Variants in CCDC69 observed in about 807,000 individuals in gnomAD.
CCDC69 encodes the protein coiled-coil domain containing 69.
CCDC69 carries 38 observed loss-of-function variants against 40.3 expected under a neutral mutation model. The observed-to-expected ratio is 0.94, with a 90% CI of 0.73 to 1.24. The LOEUF (loss-of-function observed/expected upper bound fraction) is 1.24. CCDC69 is among the 50% of genes most tolerant of loss of function. CCDC69 has a pLI of 0.00. For synonymous variants in CCDC69, 141 were observed against 138.9 expected, an observed-to-expected ratio of 1.02 and a Z score of -0.11; for missense variants, 389 against 357.9, an observed-to-expected ratio of 1.09 and a Z score of -0.70.
intron 4 of CCDC69, among the ~76,000 whole-genome samples, chr5:151,196,816 G>T (rs539647939): frequency 6.6e-6 from 1 of 152,210 alleles, no homozygotes; most frequent in South Asian, 2.1e-4. Flanking sequence ...CAGTTTGGCA[G>T]TTGTTCAAAA....
intron 1 of CCDC69, among the ~76,000 whole-genome samples, chr5:151,207,865 AGAAAGAGAGAAG>A (rs1752874895): frequency 6.6e-6 from 1 of 152,188 alleles, no homozygotes; most frequent in African/African-American, 2.4e-5. Context: ...AAGAAGAGAA[AGAAAGAGAGAAG>A]GAAGGGAAAG....
rs916521028 is a variant in CCDC69, at chr5:151,186,223, C to A, written c.394-99G>T. 3 of 817,454 alleles carry A rather than the reference C, an allele frequency of 3.7e-6. No homozygotes were observed. In the African/African-American group the frequency reaches 5.0e-5, roughly 14 times the overall value. The allele number at this position is 817,454 out of a possible 1,614,324, so 50.6% of individuals were successfully genotyped here. A position where few individuals can be genotyped will look rare whatever the true frequency, so the allele number is the denominator to read the frequency against. On this transcript the variant is annotated intron_variant, in intron 5 of 8. Transcript: ENST00000355417. Reference sequence around the variant, plus strand: ...AGAGGGAGAACGGTTTTGGGTTCTTCAATCTGTCTTTGGCTACTCTACATG... The same window carrying A: ...AGAGGGAGAACGGTTTTGGGTTCTTAAATCTGTCTTTGGCTACTCTACATG...
At chr5:151,199,182 A>C in intron 3 of CCDC69, 98 bp from the exon 4 acceptor site, 2 of 933,214 alleles carry the variant, frequency 2.1e-6, no homozygotes. Flanking sequence ...TGGTGACCAG[A>C]GTCCTAACCC....
At chr5:151,194,814 C>T (rs1752673155) in intron 4 of CCDC69, among the ~76,000 whole-genome samples, 1 of 149,698 alleles carries the variant, frequency 6.7e-6, no homozygotes, top group Admixed American at 6.7e-5. Flanking sequence ...ATTGCTTGAA[C>T]CCGGGAGGCG....
intron 1 of CCDC69, among the ~76,000 whole-genome samples, chr5:151,217,781 A>G (rs917422446): frequency 2.6e-5 from 4 of 152,176 alleles, no homozygotes; most frequent in African/African-American, 4.8e-5. Flanking sequence ...TTTTAACTCA[A>G]TGGCCCCTGC....
At chr5:151,211,864 G>A (rs930856937) in intron 1 of CCDC69, among the ~76,000 whole-genome samples, 2 of 151,900 alleles carry the variant, frequency 1.3e-5, no homozygotes, top group African/African-American at 4.8e-5. Flanking sequence ...TGATCCTAGT[G>A]CACACAAAAG....
chr5:151,211,104 A>G (rs1385646660), intron 1 of CCDC69: 2 of 152,248 alleles, frequency 1.3e-5, no homozygotes, highest in Non-Finnish European at 2.9e-5. Context: ...GCCTGCCCCC[A>G]ACACAGGCAT....
At chr5:151,196,205 A>C (rs2113990430) in intron 4 of CCDC69, among the ~76,000 whole-genome samples, 1 of 152,300 alleles carries the variant, frequency 6.6e-6, no homozygotes, top group Non-Finnish European at 1.5e-5. Context: ...AGGCTGGAGT[A>C]CAGTGGTGAG....
intron 4 of CCDC69, among the ~76,000 whole-genome samples, chr5:151,196,863 T>G (rs1383436399): frequency 6.6e-6 from 1 of 152,186 alleles, no homozygotes. Context: ...CCAGCAATTC[T>G]CCTGGGTGTA....
chr5:151,217,229 C>T (rs985281003), intron 1 of CCDC69, among the ~76,000 whole-genome samples: 3 of 152,116 alleles, frequency 2.0e-5, no homozygotes, highest in Admixed American at 1.3e-4. Context: ...AAGTAGGCCC[C>T]ATTCTTGACT....
intron 5 of CCDC69, 77 bp from the exon 6 acceptor site, chr5:151,186,201 G>T (rs925993977): frequency 1.1e-5 from 11 of 1,000,574 alleles, no homozygotes; most frequent in South Asian, 2.5e-5. Flanking sequence ...ACATCCCAGA[G>T]GGAGAACGGT....
chr5:151,216,906 T>C (rs1753052213), intron 1 of CCDC69, among the ~76,000 whole-genome samples: 1 of 152,092 alleles, frequency 6.6e-6, no homozygotes, highest in African/African-American at 2.4e-5. Context: ...ATTGTTAGAA[T>C]GATGAATACC....
At chr5:151,203,679 A>G (rs1752808566) in intron 2 of CCDC69, among the ~76,000 whole-genome samples, 2 of 137,714 alleles carry the variant, frequency 1.5e-5, no homozygotes, top group African/African-American at 5.6e-5. Context: ...AAAATAGTAT[A>G]TATAATAAAA....
intron 3 of CCDC69, among the ~76,000 whole-genome samples, chr5:151,201,374 C>T (rs1752773971): frequency 6.6e-6 from 1 of 152,212 alleles, no homozygotes; most frequent in Non-Finnish European, 1.5e-5. Context: ...GTGAAAGCAG[C>T]TGCCAGCTCT....
chr5:151,221,959 CA>C (rs1396240664), intron 1 of CCDC69, among the ~76,000 whole-genome samples: 2 of 152,226 alleles, frequency 1.3e-5, no homozygotes, highest in Non-Finnish European at 2.9e-5. Context: ...AAAAACAGCC[CA>C]TAAATCTTGC....
At chr5:151,219,475 C>T (rs971380223) in intron 1 of CCDC69, among the ~76,000 whole-genome samples, 3 of 152,162 alleles carry the variant, frequency 2.0e-5, no homozygotes, top group South Asian at 2.1e-4. Context: ...AAGAACCACG[C>T]GTCCAAACCG....
chr5:151,208,620 C>T (rs529155278), intron 1 of CCDC69, among the ~76,000 whole-genome samples: 77 of 152,324 alleles, frequency 5.1e-4, no homozygotes, highest in African/African-American at 1.8e-3. Context: ...GGTCCAGGCA[C>T]GACTCAGAGA....
intron 3 of CCDC69, 53 bp downstream of exon 3, chr5:151,201,529 A>C (rs1311812159): frequency 3.2e-6 from 4 of 1,267,840 alleles, no homozygotes; most frequent in Non-Finnish European, 4.6e-6. Context: ...TCTGGGATTC[A>C]CCAAAGTTAG....
Position 151,224,086 on chromosome 5 carries a change from T to A in CCDC69, c.-116A>T. ...CCGGCTGGGGCTGCCGGCGAGACCC[T>A]GAAACTGAACCTGGAAGCGCTGTCT... is the stretch of plus-strand genomic sequence containing the variant. On this transcript the variant is annotated 5_prime_UTR_variant, in exon 1 of 9. Coordinates refer to ENST00000355417, the MANE Select transcript of CCDC69 (RefSeq NM_015621.3). The A allele has an allele frequency of 2.2e-6, 2 of 905,966 alleles. No individual in the cohort carries two copies. The highest frequency in any genetic ancestry group is 3.2e-5 in the East Asian group (1 of 31,018). 56.1% of individuals were successfully genotyped at this position (905,966 alleles called of 1,614,324 possible).
Sources: allele counts gnomAD v4.1 joint callset (sites outside exome capture counted in the v4.1 genomes callset), GRCh38; gene constraint gnomAD v4.1.1; transcripts MANE v1.5; gene names NCBI Gene and HGNC (gene_info 2026-07-23, HGNC 2026-07-21).